The following PDE12 variants were observed in gnomAD, a reference collection of about 807,000 sequenced individuals.
PDE12 encodes 2',5'-phosphodiesterase 12.
A neutral mutation model predicts 45.4 loss-of-function variants in PDE12; 26 were observed. That is an observed-to-expected ratio of 0.57 (90% CI 0.42 to 0.79). PDE12 has a LOEUF of 0.79. PDE12 is among the 30% of genes least tolerant of loss of function. PDE12 has a pLI of 0.00. For synonymous variants in PDE12, 283 were observed against 323.9 expected, an observed-to-expected ratio of 0.87 and a Z score of 1.36; for missense variants, 668 against 790.0, an observed-to-expected ratio of 0.85 and a Z score of 1.85.
chr3:57,618,459 G>A, the PDE12 span, among the ~76,000 whole-genome samples: 2 of 151,966 alleles, frequency 1.3e-5, no homozygotes, highest in Non-Finnish European at 2.9e-5. Flanking sequence ...GTCTCACTCT[G>A]TTGCCCAGGC....
the PDE12 span, among the ~76,000 whole-genome samples, chr3:57,638,790 T>G: frequency 1.3e-5 from 2 of 151,816 alleles, no homozygotes; most frequent in Non-Finnish European, 2.9e-5. Context: ...CCCATTAGGA[T>G]GGTTACTATC....
the PDE12 span, among the ~76,000 whole-genome samples, chr3:57,599,852 CT>C: frequency 9.0e-3 from 1,162 of 129,284 alleles, 10 homozygotes; most frequent in African/African-American, 0.026. Context: ...TATTTACACT[CT>C]TTTTTTTTTT....
At chr3:57,631,961 A>C in the PDE12 span, among the ~76,000 whole-genome samples, 1 of 143,578 alleles carries the variant, frequency 7.0e-6, no homozygotes, top group African/African-American at 2.6e-5. Flanking sequence ...TGACCTCGTG[A>C]TCCGCCCGCC....
At position 57,560,929 on chromosome 3, in the gene PDE12, C is replaced by T; in HGVS notation, c.*925C>T. Reference sequence around the variant, plus strand: ...ACAAAAGATAAAAATAAATCGTCACCAATTGTTATTGCTTCTCATCTTTCA... The same window carrying T: ...ACAAAAGATAAAAATAAATCGTCACTAATTGTTATTGCTTCTCATCTTTCA... On this transcript the variant is annotated 3_prime_UTR_variant, in exon 3 of 3. Coordinates refer to ENST00000311180, the MANE Select transcript of PDE12 (RefSeq NM_177966.7). The T allele has an allele frequency of 1.0e-6, 1 of 982,642 alleles. No homozygotes were observed. 60.9% of individuals were successfully genotyped at this position (982,642 alleles called of 1,614,324 possible).
At chr3:57,624,887 T>C in the PDE12 span, among the ~76,000 whole-genome samples, 1 of 152,204 alleles carries the variant, frequency 6.6e-6, no homozygotes, top group East Asian at 1.9e-4. Flanking sequence ...TAGCAATAAT[T>C]GAGTTTATTC....
At chr3:57,628,003 G>T in the PDE12 span, 1 of 551,340 alleles carries the variant, frequency 1.8e-6, no homozygotes, top group Non-Finnish European at 2.9e-6. Context: ...CGGTGTTTCA[G>T]TATTAAAGTG....
chr3:57,558,151 T>C (rs1189993048), intron 1 of PDE12, among the ~76,000 whole-genome samples: 2 of 152,144 alleles, frequency 1.3e-5, no homozygotes, highest in African/African-American at 4.8e-5. Context: ...ATAGATGTCA[T>C]TCTTGTGTTA....
At chr3:57,645,922 G>C in the PDE12 span, among the ~76,000 whole-genome samples, 1 of 152,232 alleles carries the variant, frequency 6.6e-6, no homozygotes, top group Non-Finnish European at 1.5e-5. Flanking sequence ...TATATGTAAT[G>C]TGAAATGGCA....
the PDE12 span, chr3:57,597,192 C>G: frequency 1.6e-5 from 24 of 1,547,172 alleles, no homozygotes; most frequent in Non-Finnish European, 2.0e-5. Flanking sequence ...TGGGGCGACC[C>G]CGTGCTTTCT....
the PDE12 span, among the ~76,000 whole-genome samples, chr3:57,576,784 A>C: frequency 6.6e-6 from 1 of 152,192 alleles, no homozygotes; most frequent in African/African-American, 2.4e-5. Context: ...GAAGGCTGCA[A>C]AATGCCACTG....
chr3:57,641,615 C>T, the PDE12 span: 1 of 1,561,694 alleles, frequency 6.4e-7, no homozygotes, highest in Non-Finnish European at 8.7e-7. Context: ...TTCAGCAACA[C>T]TGCACACTAG....
At chr3:57,617,202 C>T in the PDE12 span, among the ~76,000 whole-genome samples, 2 of 151,886 alleles carry the variant, frequency 1.3e-5, no homozygotes, top group Non-Finnish European at 2.9e-5. Context: ...CTCAGGAGTT[C>T]GAGACCAGCC....
At chr3:57,627,224 A>G in the PDE12 span, 2 of 152,064 alleles carry the variant, frequency 1.3e-5, no homozygotes, top group African/African-American at 4.8e-5. Context: ...GCTCACTGCA[A>G]CCTCCGCCTC....
At chr3:57,646,463 T>C in the PDE12 span, 1 of 1,586,200 alleles carries the variant, frequency 6.3e-7, no homozygotes, top group African/African-American at 1.4e-5. Context: ...ACAGTAGAAA[T>C]ACTTTTTAAT....
the PDE12 span, among the ~76,000 whole-genome samples, chr3:57,613,809 G>T: frequency 6.7e-6 from 1 of 149,174 alleles, no homozygotes; most frequent in African/African-American, 2.5e-5. Flanking sequence ...GCTGAGGCAG[G>T]AGAATGGCGT....
chr3:57,586,857 G>C, the PDE12 span, among the ~76,000 whole-genome samples: 2 of 152,114 alleles, frequency 1.3e-5, no homozygotes, highest in African/African-American at 4.8e-5. Context: ...GAAAGCATCA[G>C]ATTTTTAAGT....
Position 57,557,397 on chromosome 3 carries a change from A to C in PDE12, c.1018A>C (p.Thr340Pro). ...YRQNLIQKEL[T>P]GYNADVICLQ... ...CCAGAACCTTATCCAGAAGGAACTC[A>C]CCGGCTACAACGCCGATGTCATCTG... is the stretch of plus-strand genomic sequence containing the variant. Residue 340 changes from threonine (T) to proline (P), a missense_variant, in exon 1 of 3, where the codon ACC becomes CCC. By Grantham distance (38) the Thr-to-Pro change is conservative. Around this residue, in one of 3 missense-constraint regions of PDE12, gnomAD observed 580 missense variants for 662.9 expected, o/e 0.87. Transcript: ENST00000311180. 1 of 1,613,852 alleles carries C rather than the reference A, an allele frequency of 6.2e-7. No homozygotes were observed. Among genetic ancestry groups the C allele is most frequent in the Non-Finnish European group, 8.5e-7 (1 of 1,180,004 alleles).
chr3:57,598,176 G>C, the PDE12 span: 1 of 151,818 alleles, frequency 6.6e-6, no homozygotes, highest in Non-Finnish European at 1.5e-5. Flanking sequence ...GGCCTGGCGC[G>C]GTGACTCACC....
the PDE12 span, among the ~76,000 whole-genome samples, chr3:57,587,319 CAAAAA>C: frequency 8.8e-5 from 4 of 45,404 alleles, no homozygotes; most frequent in East Asian, 6.6e-4. Context: ...AACTCAGTCT[CAAAAA>C]AAAAAAAAAA....
Sources: gnomAD v4.1 joint callset for allele counts (sites outside exome capture counted in the v4.1 genomes callset) on GRCh38, gnomAD v4.1.1 for gene constraint, gnomAD v4.1.1 regional missense constraint, MANE v1.5 for transcripts, NCBI Gene and HGNC (gene_info 2026-07-23, HGNC 2026-07-21) for gene names.